Variants in PFN4 observed in about 807,000 individuals in gnomAD.
The protein encoded by PFN4 is profilin-4.
PFN4 carries 10 observed loss-of-function variants against 16.3 expected under a neutral mutation model. The observed-to-expected ratio is 0.61, with a 90% CI of 0.38 to 1.04. PFN4 has a LOEUF of 1.04. Ranked by LOEUF, PFN4 falls within the 50% of genes least tolerant of loss-of-function variation. PFN4 has a pLI of 0.01. For synonymous variants in PFN4, 54 were observed against 56.9 expected (o/e 0.95, Z 0.23); for missense variants, 136 against 153.6 (o/e 0.89, Z 0.61).
chr2:24,116,094 C>T (rs1031608563), intron 4 of PFN4, among the ~76,000 whole-genome samples: 1 of 151,490 alleles, frequency 6.6e-6, no homozygotes, highest in Admixed American at 6.6e-5. Flanking sequence ...TTTGGGAGGC[C>T]GAGGTGGGTT....
intron 4 of PFN4, among the ~76,000 whole-genome samples, chr2:24,117,961 G>A (rs1201478724): frequency 6.6e-6 from 1 of 152,176 alleles, no homozygotes; most frequent in African/African-American, 2.4e-5. Context: ...CGTGATGCCA[G>A]CAGTGCACTT....
rs1398513398 is a variant in PFN4, at chr2:24,115,605, TA to T, written c.367del (p.Tyr123ThrfsTer2). 2.5e-6 allele frequency: 4 copies of T among 1,612,672 alleles called. No homozygotes were observed. The highest frequency in any genetic ancestry group is 3.4e-6 in the Non-Finnish European group (4 of 1,179,498). ...GACTTAACTTCCTTTTTTTCTTAGGTAGTCTCCTGAAAGCAAACACAGCATG... is the reference window on the plus strand; with the variant it reads ...GACTTAACTTCCTTTTTTTCTTAGGTGTCTCCTGAAAGCAAACACAGCATG... ...CVEATESLGD[Y>X]LRKKGS On this transcript the variant is annotated frameshift_variant, in exon 5 of 5. Coordinates refer to ENST00000313213, the MANE Select transcript of PFN4 (RefSeq NM_199346.3). LOFTEE classifies it high-confidence loss of function.
At chr2:24,118,517 A>G (rs1203917163) in intron 4 of PFN4, among the ~76,000 whole-genome samples, 1 of 152,240 alleles carries the variant, frequency 6.6e-6, no homozygotes, top group African/African-American at 2.4e-5. Context: ...AAGAAGGATT[A>G]AGACAAGACA....
In PFN4 at chr2:24,123,120, C is replaced by T. The variant is rs1215213466; in HGVS notation, c.-15G>A. The T allele has an allele frequency of 6.6e-6, 1 of 152,444 alleles. No individual in the cohort carries two copies. Among genetic ancestry groups the T allele is most frequent in the Admixed American group, 6.5e-5 (1 of 15,284 alleles). The allele number at this position is 152,444 out of a possible 1,614,324, so 9.4% of individuals were successfully genotyped here. ...CCTTGGACCCCCCTCATCAGGACCT[C>T]CGGCACAGGCGCCCGTTTCCCGCCA... On this transcript the variant is annotated splice_region_variant and 5_prime_UTR_variant, in exon 1 of 5. Transcript: ENST00000313213.
rs1666103776 is a variant in PFN4 at position 24,121,184 on chromosome 2, T to C, written c.234A>G (p.Glu78=). ...TCACATTTTTGGCATAAAGAGAATA[T>C]TCATCTGCCCGGACACATCTGTAAT... ...GKDYRCVRAD[E]YSLYAKNENT... is the part of the protein sequence containing the mutation. The change falls in exon 3 of 5, where the codon GAA becomes GAG. Residue 78 remains glutamate (E), a synonymous_variant. Coordinates refer to ENST00000313213, the MANE Select transcript of PFN4 (RefSeq NM_199346.3). 2 of 1,614,074 alleles carry C rather than the reference T, an allele frequency of 1.2e-6. No individual in the cohort carries two copies. Among genetic ancestry groups the C allele is most frequent in the Admixed American group, 1.7e-5 (1 of 60,004 alleles).
rs1665883814 is a variant in PFN4 at position 24,115,492 on chromosome 2, T to C, written c.*91A>G. 8.8e-7 allele frequency: 1 copy of C among 1,135,550 alleles called. No individual in the cohort carries two copies. 70.3% of individuals were successfully genotyped at this position (1,135,550 alleles called of 1,614,324 possible). On this transcript the variant is annotated 3_prime_UTR_variant, in exon 5 of 5. Transcript: ENST00000313213. ...TTCTTCTTTTTTAGTGCCTTCTGTC[T>C]AGTGTTTTTTCAACCATAAAATATT...
chr2:24,122,758 T>C (rs1044398309), intron 1 of PFN4: 3 of 415,586 alleles, frequency 7.2e-6, no homozygotes, highest in Non-Finnish European at 1.3e-5. Context: ...TCACACAGAA[T>C]AGGTTATGAA....
At chr2:24,117,084 C>T (rs540069747) in intron 4 of PFN4, among the ~76,000 whole-genome samples, 1 of 144,464 alleles carries the variant, frequency 6.9e-6, no homozygotes, top group African/African-American at 2.6e-5. Context: ...GGCACGATCT[C>T]GGCTCACCGC....
intron 4 of PFN4, among the ~76,000 whole-genome samples, chr2:24,117,444 C>CTT (rs34376278): frequency 2.1e-5 from 3 of 140,362 alleles, no homozygotes; most frequent in Non-Finnish European, 3.1e-5. Context: ...TCTTCTTCTT[C>CTT]TTTTTTTTTT....
chr2:24,120,532 A>T lies in PFN4; in HGVS notation c.255+631T>A, dbSNP rs553173464. 5.3e-5 allele frequency among the ~76,000 whole-genome samples: 8 copies of T among 152,198 alleles called. No individual in the cohort carries two copies. The East Asian group carries it at 1.4e-3, about 26-fold the overall frequency. ...ATGATTTTCATCTCTTTCATTCCTT[A>T]TAAGCAACAGAGAGCTGATTTTTTT... On this transcript the variant is annotated intron_variant, in intron 3 of 4. Coordinates refer to ENST00000313213, the MANE Select transcript of PFN4 (RefSeq NM_199346.3).
chr2:24,122,267 A>T (rs1024939450), intron 2 of PFN4, 152 bp downstream of exon 2: 2 of 627,732 alleles, frequency 3.2e-6, no homozygotes, highest in Non-Finnish European at 5.6e-6. Context: ...CGGAGGTTGC[A>T]GTGAGCTGAG....
At chr2:24,121,018 C>T in intron 3 of PFN4, 145 bp downstream of exon 3, 1 of 1,060,878 alleles carries the variant, frequency 9.4e-7, no homozygotes, top group Non-Finnish European at 1.3e-6. Flanking sequence ...CATATGTCTT[C>T]CTGGCACTAG....
intron 3 of PFN4, among the ~76,000 whole-genome samples, chr2:24,120,794 C>T (rs1195668994): frequency 6.6e-6 from 1 of 152,010 alleles, no homozygotes; most frequent in African/African-American, 2.4e-5. Context: ...ACCTCAGCCT[C>T]CCAAAGTGCT....
intron 4 of PFN4, among the ~76,000 whole-genome samples, chr2:24,115,965 G>A (rs1665904728): frequency 6.6e-6 from 1 of 150,806 alleles, no homozygotes; most frequent in African/African-American, 2.4e-5. Context: ...GGAACAGGGT[G>A]AGAGAGGGCT....
At position 24,115,528 on chromosome 2, in the gene PFN4, G is replaced by T; in HGVS notation, c.*55C>A. 1.3e-6 allele frequency: 2 copies of T among 1,485,640 alleles called. No homozygotes were observed. The highest frequency in any genetic ancestry group is 1.9e-6 in the Non-Finnish European group (2 of 1,075,778). 92.0% of individuals were successfully genotyped at this position (1,485,640 alleles called of 1,614,324 possible). On this transcript the variant is annotated 3_prime_UTR_variant, in exon 5 of 5. Coordinates refer to ENST00000313213, the MANE Select transcript of PFN4 (RefSeq NM_199346.3). Reference sequence around the variant, plus strand: ...CAACCATAAAATATTTTTTCTTTAGGCTCTTCAATTTTCTTCTAAAATAAT... The same window carrying T: ...CAACCATAAAATATTTTTTCTTTAGTCTCTTCAATTTTCTTCTAAAATAAT...
chr2:24,122,341 G>T, intron 2 of PFN4, 78 bp downstream of exon 2: 47 of 919,190 alleles, frequency 5.1e-5, no homozygotes, highest in Non-Finnish European at 7.1e-5. Flanking sequence ...AAAAAAAAAA[G>T]TCATGTCTGC....
At chr2:24,117,282 G>A (rs543943041) in intron 4 of PFN4, among the ~76,000 whole-genome samples, 24 of 151,320 alleles carry the variant, frequency 1.6e-4, no homozygotes, top group African/African-American at 5.6e-4. Flanking sequence ...TCCCAAAGTG[G>A]TGGGATTACA....
At chr2:24,122,603 G>C (rs948111673) in intron 1 of PFN4, 56 bp from the exon 2 acceptor site, 9 of 1,060,750 alleles carry the variant, frequency 8.5e-6, no homozygotes, top group African/African-American at 4.7e-5. Flanking sequence ...TAAAAGGCAT[G>C]TGAATACAAA....
At chr2:24,122,351 C>T in intron 2 of PFN4, 68 bp downstream of exon 2, 1 of 1,162,452 alleles carries the variant, frequency 8.6e-7, no homozygotes, top group Non-Finnish European at 1.3e-6. Context: ...GTCATGTCTG[C>T]TTCATTTTTT....
Sources: allele counts gnomAD v4.1 joint callset (sites outside exome capture counted in the v4.1 genomes callset), GRCh38; gene constraint gnomAD v4.1.1; transcripts MANE v1.5; gene names NCBI Gene and HGNC (gene_info 2026-07-23, HGNC 2026-07-21).